The following ATL2 variants were observed in gnomAD, a reference collection of about 807,000 sequenced individuals.
The protein encoded by ATL2 is atlastin-2.
ATL2 carries 31 observed loss-of-function variants against 73.9 expected under a neutral mutation model. The observed-to-expected ratio is 0.42, with a 90% CI of 0.32 to 0.57. The LOEUF (loss-of-function observed/expected upper bound fraction) is 0.57. Among genes scored for constraint, ATL2 ranks in the 20% least tolerant of loss-of-function variants. ATL2 has a pLI of 0.14. For synonymous variants in ATL2, 291 were observed against 237.5 expected, an observed-to-expected ratio of 1.23 and a Z score of -2.07; for missense variants, 738 against 702.6, an observed-to-expected ratio of 1.05 and a Z score of -0.57.
chr2:38,377,709 T>G (rs1672074075), upstream of ATL2, among the ~76,000 whole-genome samples: 1 of 152,088 alleles, frequency 6.6e-6, no homozygotes, highest in East Asian at 1.9e-4. Flanking sequence ...TGAGGTGGCT[T>G]TCGCACCCCT....
chr2:38,299,366 T>C (rs567323192), intron 10 of ATL2, 39 bp from the exon 11 acceptor site: 2 of 1,502,714 alleles, frequency 1.3e-6, no homozygotes, highest in South Asian at 1.4e-5. Flanking sequence ...CAAAAAATAC[T>C]CTATGACTCT....
chr2:38,325,110 C>T (rs1021984833), intron 2 of ATL2, among the ~76,000 whole-genome samples: 3 of 152,200 alleles, frequency 2.0e-5, no homozygotes, highest in Non-Finnish European at 4.4e-5. Context: ...GGGGCAGACA[C>T]GTCTTGTAAT....
chr2:38,344,974 G>C (rs990552536), intron 1 of ATL2, among the ~76,000 whole-genome samples: 12 of 152,188 alleles, frequency 7.9e-5, no homozygotes, highest in African/African-American at 2.7e-4. Flanking sequence ...TGACGAAGAA[G>C]TACAGAGAAT....
At chr2:38,349,484 G>A (rs995453467) in intron 1 of ATL2, among the ~76,000 whole-genome samples, 36 of 134,586 alleles carry the variant, frequency 2.7e-4, no homozygotes, top group Middle Eastern at 4.0e-3. Context: ...GAGAACACAC[G>A]GACACAGGAA....
chr2:38,368,872 T>C (rs1051913925), intron 1 of ATL2, among the ~76,000 whole-genome samples: 2 of 152,058 alleles, frequency 1.3e-5, no homozygotes, highest in African/African-American at 4.8e-5. Flanking sequence ...GAGGATCGCT[T>C]AACCCCAGGA....
chr2:38,311,307 T>C (rs1002889973), intron 7 of ATL2, among the ~76,000 whole-genome samples: 7 of 152,070 alleles, frequency 4.6e-5, no homozygotes, highest in Non-Finnish European at 8.8e-5. Context: ...GAAACTGCCA[T>C]GTATTAGGGG....
At position 38,320,789 on chromosome 2, in the gene ATL2, C is replaced by T. The variant is rs529321043; in HGVS notation, c.364-1770G>A. On this transcript the variant is annotated intron_variant, in intron 2 of 12. Transcript: ENST00000378954. ...GAGTGGAGAGATGGTTAAGACAGGACCAATGAGGGATGAAGCAATTTATGA... is the reference window on the plus strand; with the variant it reads ...GAGTGGAGAGATGGTTAAGACAGGATCAATGAGGGATGAAGCAATTTATGA... Among the ~76,000 whole-genome samples the T allele has an allele frequency of 2.0e-5, 3 of 152,046 alleles. No individual in the cohort carries two copies. In the South Asian group the frequency reaches 6.2e-4, roughly 32 times the overall value.
At chr2:38,333,086 C>T (rs76284042) in intron 2 of ATL2, among the ~76,000 whole-genome samples, 14 of 152,048 alleles carry the variant, frequency 9.2e-5, no homozygotes, top group Admixed American at 1.3e-4. Context: ...AGCTGGGCCA[C>T]GCACAGTGGC....
intron 1 of ATL2, among the ~76,000 whole-genome samples, chr2:38,350,656 C>T (rs1393947669): frequency 6.6e-6 from 1 of 152,084 alleles, no homozygotes; most frequent in Non-Finnish European, 1.5e-5. Flanking sequence ...AACAAAAGCA[C>T]CACTGTGGGT....
chr2:38,359,017 T>A (rs2124462145), intron 1 of ATL2, among the ~76,000 whole-genome samples: 1 of 152,304 alleles, frequency 6.6e-6, no homozygotes, highest in South Asian at 2.1e-4. Flanking sequence ...CATATTTCTC[T>A]CATATAAAAT....
intron 1 of ATL2, among the ~76,000 whole-genome samples, chr2:38,360,418 T>G (rs1670946257): frequency 6.6e-6 from 1 of 152,042 alleles, no homozygotes; most frequent in Non-Finnish European, 1.5e-5. Flanking sequence ...TCTGAGTAGC[T>G]GGGACCACAG....
At chr2:38,375,728 CAATT>C (rs989975873) in intron 1 of ATL2, among the ~76,000 whole-genome samples, 57 of 152,330 alleles carry the variant, frequency 3.7e-4, no homozygotes, top group African/African-American at 1.3e-3. Flanking sequence ...CATTCCAAAA[CAATT>C]AATTACTTAA....
At chr2:38,322,151 G>C (rs1043442678) in intron 2 of ATL2, among the ~76,000 whole-genome samples, 4 of 150,722 alleles carry the variant, frequency 2.7e-5, no homozygotes, top group Non-Finnish European at 5.9e-5. Context: ...TTGCACTGTT[G>C]TAAGTTCTGA....
intron 2 of ATL2, among the ~76,000 whole-genome samples, chr2:38,342,340 A>T (rs1669771794): frequency 6.6e-6 from 1 of 152,196 alleles, no homozygotes; most frequent in African/African-American, 2.4e-5. Context: ...TAAGCAACTA[A>T]AGTAATATCA....
At chr2:38,360,742 G>T (rs1009689443) in intron 1 of ATL2, among the ~76,000 whole-genome samples, 2 of 152,076 alleles carry the variant, frequency 1.3e-5, no homozygotes, top group Non-Finnish European at 2.9e-5. Context: ...CTTTTTTGGG[G>T]GGAAATGAGG....
At chr2:38,356,991 G>A (rs1029037177) in intron 1 of ATL2, among the ~76,000 whole-genome samples, 1 of 152,114 alleles carries the variant, frequency 6.6e-6, no homozygotes. Flanking sequence ...GTAAACTGGA[G>A]TACCTTGTAT....
At chr2:38,374,139 C>T (rs1671836933) in intron 1 of ATL2, among the ~76,000 whole-genome samples, 1 of 145,038 alleles carries the variant, frequency 6.9e-6, no homozygotes, top group African/African-American at 2.9e-5. Context: ...GATCCACCTG[C>T]CTCGGCCTCC....
intron 2 of ATL2, among the ~76,000 whole-genome samples, chr2:38,325,543 C>CTCATGA (rs1330727138): frequency 2.0e-5 from 3 of 151,752 alleles, no homozygotes; most frequent in Non-Finnish European, 4.4e-5. Flanking sequence ...GAAAGTTTCC[C>CTCATGA]TCATGACTGA....
At chr2:38,375,591 T>G (rs569964279) in intron 1 of ATL2, among the ~76,000 whole-genome samples, 1 of 151,970 alleles carries the variant, frequency 6.6e-6, no homozygotes, top group African/African-American at 2.4e-5. Flanking sequence ...GGTAAATACA[T>G]AGAATATTTT....
Sources: gnomAD v4.1 joint callset for allele counts (sites outside exome capture counted in the v4.1 genomes callset) on GRCh38, gnomAD v4.1.1 for gene constraint, MANE v1.5 for transcripts, NCBI Gene and HGNC (gene_info 2026-07-23, HGNC 2026-07-21) for gene names.